Variants in ATP8A2 observed in about 807,000 individuals in gnomAD.
The protein encoded by ATP8A2 is phospholipid-transporting ATPase IB.
ATP8A2 carries 100 observed loss-of-function variants against 165.6 expected under a neutral mutation model. That is an observed-to-expected ratio of 0.60 (90% CI 0.51 to 0.71). The LOEUF (loss-of-function observed/expected upper bound fraction) is 0.71, where lower values mean the gene tolerates loss of function less well. Among genes scored for constraint, ATP8A2 ranks in the 30% least tolerant of loss-of-function variants. The pLI, the probability that ATP8A2 is intolerant of heterozygous loss-of-function variation, is 0.00. For synonymous variants in ATP8A2, 543 were observed against 548.8 expected, an observed-to-expected ratio of 0.99 and a Z score of 0.15; for missense variants, 1,227 against 1,479.5, an observed-to-expected ratio of 0.83 and a Z score of 2.80.
intron 35 of ATP8A2, among the ~76,000 whole-genome samples, chr13:25,981,333 C>T (rs578193455): frequency 6.6e-6 from 1 of 152,284 alleles, no homozygotes; most frequent in South Asian, 2.1e-4. Flanking sequence ...TGTTATGTGA[C>T]TGACATAATA....
In ATP8A2 at chr13:26,012,590, T is replaced by C. The variant is rs1435171191; in HGVS notation, c.3437T>C (p.Phe1146Ser). ...GGCCGGAAGACGCCCCCGACGCTGT[T>C]CCGGGGCAGCTCCCTGCAGCAGGGC... is the stretch of plus-strand genomic sequence containing the variant. ...RLGRKTPPTL[F>S]RGSSLQQGVP... Residue 1146 changes from phenylalanine (F) to serine (S), a missense_variant, in exon 36 of 37, where the codon TTC becomes TCC. Coordinates refer to ENST00000381655, the MANE Select transcript of ATP8A2 (RefSeq NM_016529.6). 6.6e-7 allele frequency: 1 copy of C among 1,523,242 alleles called. No homozygotes were observed. Among genetic ancestry groups the C allele is most frequent in the Admixed American group, 2.2e-5 (1 of 46,026 alleles). The allele number at this position is 1,523,242 out of a possible 1,614,324, so 94.4% of individuals were successfully genotyped here.
chr13:25,687,876 A>G (rs894153218), intron 24 of ATP8A2, among the ~76,000 whole-genome samples: 1 of 152,128 alleles, frequency 6.6e-6, no homozygotes, highest in Non-Finnish European at 1.5e-5. Flanking sequence ...TCCATCTTCC[A>G]TACTGTGGTG....
intron 2 of ATP8A2, among the ~76,000 whole-genome samples, chr13:25,483,499 C>T (rs906601754): frequency 4.0e-5 from 6 of 151,818 alleles, no homozygotes; most frequent in Non-Finnish European, 5.9e-5. Flanking sequence ...TGGAGAGACA[C>T]CAAACTTTTG....
chr13:25,694,460 C>CACTG (rs1169955471), intron 24 of ATP8A2, among the ~76,000 whole-genome samples: 1 of 152,132 alleles, frequency 6.6e-6, no homozygotes, highest in African/African-American at 2.4e-5. Flanking sequence ...GTCCTTCATA[C>CACTG]ACTGACCCCC....
intron 30 of ATP8A2, among the ~76,000 whole-genome samples, chr13:25,846,653 G>A (rs960487577): frequency 6.6e-6 from 1 of 152,124 alleles, no homozygotes; most frequent in African/African-American, 2.4e-5. Context: ...GTGTAATAAG[G>A]CCATTGGCAG....
chr13:25,964,572 C>T (rs1955733662), intron 34 of ATP8A2, among the ~76,000 whole-genome samples: 1 of 152,204 alleles, frequency 6.6e-6, no homozygotes, highest in Admixed American at 6.5e-5. Flanking sequence ...GCTTCTTCTT[C>T]CCATGCACTG....
intron 25 of ATP8A2, among the ~76,000 whole-genome samples, chr13:25,701,995 T>TA (rs1395477645): frequency 6.6e-6 from 1 of 152,112 alleles, no homozygotes; most frequent in Non-Finnish European, 1.5e-5. Flanking sequence ...ATCTCATACT[T>TA]AAGATTTTAA....
At position 25,992,350 on chromosome 13, in the gene ATP8A2, G is replaced by T. The variant is rs141816035; in HGVS notation, c.3378-20181G>T. Among the ~76,000 whole-genome samples the T allele has an allele frequency of 5.3e-5, 8 of 151,214 alleles. No homozygotes were observed. In the East Asian group the frequency reaches 1.6e-3, roughly 30 times the overall value. ...TTCATGTGTTTATTTGCCAACTATAGTCACTCTGGTGAAACGTCTTTTCAT... is the reference window on the plus strand; with the variant it reads ...TTCATGTGTTTATTTGCCAACTATATTCACTCTGGTGAAACGTCTTTTCAT... On this transcript the variant is annotated intron_variant, in intron 35 of 36. Coordinates refer to ENST00000381655, the MANE Select transcript of ATP8A2 (RefSeq NM_016529.6).
At chr13:25,379,991 G>C (rs938218481) in intron 1 of ATP8A2, among the ~76,000 whole-genome samples, 11 of 152,136 alleles carry the variant, frequency 7.2e-5, no homozygotes, top group African/African-American at 2.7e-4. Flanking sequence ...CACCAGCGTG[G>C]GCAGGCAACT....
At chr13:25,556,808 T>C (rs951572340) in intron 13 of ATP8A2, among the ~76,000 whole-genome samples, 8 of 152,174 alleles carry the variant, frequency 5.3e-5, no homozygotes, top group Non-Finnish European at 7.4e-5. Flanking sequence ...CAGTGTCAGA[T>C]TGGGGACTTC....
chr13:25,653,298 G>A (rs527511297), intron 24 of ATP8A2, among the ~76,000 whole-genome samples: 7 of 152,270 alleles, frequency 4.6e-5, no homozygotes, highest in African/African-American at 7.2e-5. Flanking sequence ...CATGACCTTC[G>A]CAGGAACATG....
intron 27 of ATP8A2, among the ~76,000 whole-genome samples, chr13:25,813,197 T>C (rs1053546798): frequency 2.0e-5 from 3 of 151,986 alleles, no homozygotes; most frequent in Non-Finnish European, 4.4e-5. Flanking sequence ...ATCCTGCGCA[T>C]GTACCCCAGA....
intron 25 of ATP8A2, among the ~76,000 whole-genome samples, chr13:25,707,628 T>C (rs1333044270): frequency 6.6e-6 from 1 of 152,232 alleles, no homozygotes; most frequent in Admixed American, 6.5e-5. Flanking sequence ...GATAACATGT[T>C]GAGAATACTT....
chr13:25,741,118 A>G (rs1257233169), intron 25 of ATP8A2, among the ~76,000 whole-genome samples: 1 of 152,232 alleles, frequency 6.6e-6, no homozygotes, highest in Non-Finnish European at 1.5e-5. Context: ...TCTCAAATTT[A>G]GTTTTATCGG....
At chr13:25,542,532 G>A (rs947963382) in intron 9 of ATP8A2, among the ~76,000 whole-genome samples, 9 of 151,902 alleles carry the variant, frequency 5.9e-5, no homozygotes, top group Non-Finnish European at 1.0e-4. Flanking sequence ...CATTTGTTAT[G>A]TTGTTCTGGA....
chr13:25,386,578 G>C (rs4770824), intron 1 of ATP8A2, among the ~76,000 whole-genome samples: 78,372 of 152,004 alleles, frequency 0.52, 24,184 homozygotes, highest in Non-Finnish European at 0.69. Context: ...ATTAATTCCA[G>C]ATTCTGAAAC....
intron 33 of ATP8A2, among the ~76,000 whole-genome samples, chr13:25,882,417 G>A (rs543413238): frequency 1.5e-4 from 23 of 152,130 alleles, no homozygotes; most frequent in African/African-American, 5.6e-4. Flanking sequence ...ATGGTCAGAC[G>A]CAGCCTGTCA....
intron 12 of ATP8A2, 89 bp from the exon 13 acceptor site, chr13:25,554,902 C>A: frequency 3.5e-6 from 3 of 854,664 alleles, no homozygotes; most frequent in Non-Finnish European, 5.5e-6. Context: ...TTAGATTACC[C>A]ATTCTTAGCT....
At chr13:25,571,770 A>G in intron 18 of ATP8A2, 78 bp downstream of exon 18, 1 of 1,198,088 alleles carries the variant, frequency 8.3e-7, no homozygotes, top group Non-Finnish European at 1.2e-6. Flanking sequence ...TGTCTATTGT[A>G]AATATGATAG....
Sources: gnomAD v4.1 joint callset for allele counts (sites outside exome capture counted in the v4.1 genomes callset) on GRCh38, gnomAD v4.1.1 for gene constraint, MANE v1.5 for transcripts, NCBI Gene and HGNC (gene_info 2026-07-23, HGNC 2026-07-21) for gene names.